The following ZMYM4 variants were observed in gnomAD, a reference collection of about 807,000 sequenced individuals.
ZMYM4 encodes the protein zinc finger MYM-type protein 4.
Under a neutral mutation model 183.2 loss-of-function variants are expected in ZMYM4, and 31 were observed. The observed-to-expected ratio is 0.17, with a 90% confidence interval of 0.13 to 0.23. ZMYM4 has a LOEUF of 0.23. Ranked by LOEUF, ZMYM4 falls within the 10% of genes least tolerant of loss-of-function variation. The probability of loss-of-function intolerance (pLI) is 1.00; values close to 1 mark genes in which losing one functional copy is unlikely to be tolerated. For synonymous variants in ZMYM4, 592 were observed against 631.2 expected, an observed-to-expected ratio of 0.94 and a Z score of 0.93; for missense variants, 1,273 against 1,840.3, an observed-to-expected ratio of 0.69 and a Z score of 5.64.
chr1:35,405,226 T>C (rs1644980863), intron 24 of ZMYM4, 32 bp downstream of exon 24: 1 of 1,606,998 alleles, frequency 6.2e-7, no homozygotes. Context: ...TATCTTGATT[T>C]AGGTAGGGGG....
chr1:35,277,947 CTTAAA>C (rs1212272319), intron 1 of ZMYM4, among the ~76,000 whole-genome samples: 2 of 152,054 alleles, frequency 1.3e-5, no homozygotes, highest in Non-Finnish European at 2.9e-5. Context: ...TTGGCGGTCT[CTTAAA>C]TTAGTTTCCT....
chr1:35,346,147 T>A (rs1424392746), intron 2 of ZMYM4, among the ~76,000 whole-genome samples: 1 of 152,246 alleles, frequency 6.6e-6, no homozygotes, highest in African/African-American at 2.4e-5. Flanking sequence ...TATTCCATTG[T>A]ATGTATATAC....
intron 7 of ZMYM4, among the ~76,000 whole-genome samples, chr1:35,374,400 T>C (rs190162279): frequency 2.6e-5 from 4 of 152,312 alleles, no homozygotes; most frequent in Admixed American, 2.6e-4. Context: ...TTTTTCTGTT[T>C]ATTTTGCCAT....
intron 1 of ZMYM4, among the ~76,000 whole-genome samples, chr1:35,323,494 A>C (rs1013249299): frequency 1.3e-5 from 2 of 151,984 alleles, no homozygotes; most frequent in African/African-American, 4.8e-5. Context: ...AGATGCTTTC[A>C]TTCTTTGGCT....
At chr1:35,369,354 T>C (rs1213106089) in intron 5 of ZMYM4, among the ~76,000 whole-genome samples, 2 of 152,156 alleles carry the variant, frequency 1.3e-5, no homozygotes, top group South Asian at 2.1e-4. Context: ...ATAGAAATCA[T>C]TGAAATAAAA....
At chr1:35,379,425 G>A (rs374369414) in intron 7 of ZMYM4, among the ~76,000 whole-genome samples, 5 of 152,132 alleles carry the variant, frequency 3.3e-5, no homozygotes, top group African/African-American at 1.2e-4. Flanking sequence ...TAGTAGAGTC[G>A]TGGTTTCACC....
chr1:35,314,873 A>C (rs1641974245), intron 1 of ZMYM4, among the ~76,000 whole-genome samples: 1 of 151,372 alleles, frequency 6.6e-6, no homozygotes, highest in South Asian at 2.1e-4. Context: ...AAAAATACAA[A>C]AATTAGCCAG....
intron 1 of ZMYM4, among the ~76,000 whole-genome samples, chr1:35,287,076 C>T (rs1468388143): frequency 6.6e-6 from 1 of 151,826 alleles, no homozygotes; most frequent in Non-Finnish European, 1.5e-5. Context: ...GTTGCCCTTC[C>T]TTCCTCGACT....
chr1:35,405,420 A>T lies in ZMYM4; in HGVS notation c.3748A>T (p.Thr1250Ser). Residue 1250 changes from threonine (T) to serine (S), a missense_variant, in exon 25 of 30, where the codon ACT becomes TCT. Thr to Ser is a moderately conservative substitution (Grantham distance 58). Transcript: ENST00000314607. ...SSPRSDPLGSTQDHALSQESS... is the reference protein window; with the variant it reads ...SSPRSDPLGSSQDHALSQESS... Reference sequence around the variant, plus strand: ...CCCACGTTCTGACCCCTTAGGAAGTACTCAAGACCATGCACTCTCTCAAGA... The same window carrying T: ...CCCACGTTCTGACCCCTTAGGAAGTTCTCAAGACCATGCACTCTCTCAAGA... 6.2e-7 allele frequency: 1 copy of T among 1,613,624 alleles called. No homozygotes were observed. The highest frequency in any genetic ancestry group is 2.2e-5 in the East Asian group (1 of 44,840).
intron 3 of ZMYM4, 140 bp from the exon 4 acceptor site, chr1:35,361,054 T>C: frequency 1.6e-6 from 1 of 636,586 alleles, no homozygotes; most frequent in Non-Finnish European, 2.4e-6. Context: ...TTTTGGGTGT[T>C]TTTGGGACCC....
At chr1:35,390,754 T>C (rs1457380686) in intron 15 of ZMYM4, among the ~76,000 whole-genome samples, 1 of 152,202 alleles carries the variant, frequency 6.6e-6, no homozygotes. Context: ...AGAACTTAAA[T>C]TTATGGGAAA....
chr1:35,381,708 G>A lies in ZMYM4; in HGVS notation c.1519G>A (p.Gly507Arg). ...SGQCHMLQIE[G>R]QSKKFCSSSC... is the part of the protein sequence containing the mutation. The stretch of plus-strand genomic sequence containing the variant: ...ACAATGCCACATGCTTCAGATAGAG[G>A]GACAGTCTAAGAAGTTTTGTAGTTC... Residue 507 changes from glycine (G) to arginine (R), a missense_variant, in exon 9 of 30, where the codon GGA becomes AGA. Gly to Arg is a moderately radical substitution (Grantham distance 125). Transcript: ENST00000314607. The A allele has an allele frequency of 1.9e-6, 3 of 1,614,134 alleles. No homozygotes were observed. Among genetic ancestry groups the A allele is most frequent in the South Asian group, 2.2e-5 (2 of 91,082 alleles).
chr1:35,371,267 C>T (rs1445061709), intron 7 of ZMYM4, among the ~76,000 whole-genome samples: 1 of 152,026 alleles, frequency 6.6e-6, no homozygotes, highest in Non-Finnish European at 1.5e-5. Context: ...AGGTGCCCGC[C>T]ACCATGCCCA....
At chr1:35,397,302 A>G (rs1644825772) in intron 19 of ZMYM4, 75 bp from the exon 20 acceptor site, 1 of 1,392,332 alleles carries the variant, frequency 7.2e-7, no homozygotes, top group African/African-American at 1.5e-5. Context: ...TAATACCTAA[A>G]TCATCTCACA....
chr1:35,322,076 G>A (rs1042485765), intron 1 of ZMYM4, among the ~76,000 whole-genome samples: 2 of 151,828 alleles, frequency 1.3e-5, no homozygotes, highest in Non-Finnish European at 1.5e-5. Context: ...ATATACTATT[G>A]GGTTTTTTAA....
At chr1:35,269,156 T>C (rs1179630394) in intron 1 of ZMYM4, 71 bp downstream of exon 1, 21 of 1,532,404 alleles carry the variant, frequency 1.4e-5, no homozygotes, top group Non-Finnish European at 1.8e-5. Flanking sequence ...TGGGCCATAC[T>C]CAGGTTCGTG....
intron 5 of ZMYM4, among the ~76,000 whole-genome samples, chr1:35,363,546 C>CA (rs1643995746): frequency 6.6e-6 from 1 of 152,070 alleles, no homozygotes; most frequent in South Asian, 2.1e-4. Context: ...TCATGTGAGT[C>CA]ACTGAGTCAA....
chr1:35,292,885 T>C (rs1206532666), intron 1 of ZMYM4, among the ~76,000 whole-genome samples: 1 of 152,140 alleles, frequency 6.6e-6, no homozygotes, highest in African/African-American at 2.4e-5. Context: ...CTTTACAGTA[T>C]GAAAATGCCC....
chr1:35,307,375 A>C (rs963919436), intron 1 of ZMYM4, among the ~76,000 whole-genome samples: 1 of 152,120 alleles, frequency 6.6e-6, no homozygotes, highest in African/African-American at 2.4e-5. Context: ...ACCTTGGTAC[A>C]GTGTCTGGCT....
Sources: allele counts gnomAD v4.1 joint callset (sites outside exome capture counted in the v4.1 genomes callset), GRCh38; gene constraint gnomAD v4.1.1; transcripts MANE v1.5; gene names NCBI Gene and HGNC (gene_info 2026-07-23, HGNC 2026-07-21).